RPS6KC1: variants seen among roughly 807,000 people sequenced by gnomAD.
RPS6KC1 encodes the protein ribosomal protein S6 kinase C1, also known as inactive ribosomal protein S6 kinase delta-1.
Under a neutral mutation model 103.8 loss-of-function variants are expected in RPS6KC1, and 54 were observed. The ratio of observed to expected loss-of-function variants is 0.52; its 90% CI spans 0.42 to 0.65. The LOEUF is 0.65. RPS6KC1 is among the 30% of genes least tolerant of loss of function. RPS6KC1 has a pLI of 0.00. For synonymous variants in RPS6KC1, 439 were observed against 438.7 expected, an observed-to-expected ratio of 1.00 and a Z score of -0.01; for missense variants, 1,151 against 1,253.8, an observed-to-expected ratio of 0.92 and a Z score of 1.24.
the RPS6KC1 span, among the ~76,000 whole-genome samples, chr1:213,495,334 T>G: frequency 2.0e-5 from 3 of 152,072 alleles, no homozygotes; most frequent in Non-Finnish European, 4.4e-5. Flanking sequence ...TTTTTTTTTC[T>G]TTTTTAAGAT....
the RPS6KC1 span, among the ~76,000 whole-genome samples, chr1:213,475,409 A>G: frequency 1.3e-5 from 2 of 152,142 alleles, no homozygotes; most frequent in Non-Finnish European, 2.9e-5. Flanking sequence ...TTTCTGTTGC[A>G]TTGAAACATC....
At chr1:213,296,599 C>T in the RPS6KC1 span, among the ~76,000 whole-genome samples, 1 of 152,126 alleles carries the variant, frequency 6.6e-6, no homozygotes, top group Admixed American at 6.5e-5. Context: ...GTTCTGAATG[C>T]TACAGCATGA....
chr1:213,176,209 C>G (rs1268639767), intron 7 of RPS6KC1, among the ~76,000 whole-genome samples, 191 bp from the exon 8 acceptor site: 2 of 151,882 alleles, frequency 1.3e-5, no homozygotes, highest in Non-Finnish European at 2.9e-5. Flanking sequence ...CTTGCTTTTT[C>G]TTTTTGATTT....
At chr1:213,569,360 G>A in the RPS6KC1 span, among the ~76,000 whole-genome samples, 1 of 152,118 alleles carries the variant, frequency 6.6e-6, no homozygotes, top group African/African-American at 2.4e-5. Context: ...CATTATTAGG[G>A]CATCCTTGCC....
At chr1:213,289,356 T>C in the RPS6KC1 span, among the ~76,000 whole-genome samples, 1 of 152,086 alleles carries the variant, frequency 6.6e-6, no homozygotes, top group African/African-American at 2.4e-5. Flanking sequence ...TAAAAGAGTT[T>C]TGTAAAGAAA....
At chr1:213,189,990 C>A (rs1276275985) in intron 8 of RPS6KC1, among the ~76,000 whole-genome samples, 1 of 152,150 alleles carries the variant, frequency 6.6e-6, no homozygotes, top group Non-Finnish European at 1.5e-5. Flanking sequence ...GAATCTCATT[C>A]TTTTTTATGC....
At chr1:213,132,641 T>C (rs1346194317) in intron 6 of RPS6KC1, among the ~76,000 whole-genome samples, 2 of 152,228 alleles carry the variant, frequency 1.3e-5, no homozygotes, top group Non-Finnish European at 1.5e-5. Flanking sequence ...GGGTAAAGTT[T>C]GTTCTGGGGT....
the RPS6KC1 span, among the ~76,000 whole-genome samples, chr1:213,434,771 T>C: frequency 2.1e-5 from 3 of 143,518 alleles, no homozygotes; most frequent in African/African-American, 7.5e-5. Context: ...TGTTTCTCTA[T>C]ATAACTGACT....
chr1:213,454,979 C>T, the RPS6KC1 span, among the ~76,000 whole-genome samples: 22 of 152,282 alleles, frequency 1.4e-4, no homozygotes, highest in African/African-American at 5.1e-4. Flanking sequence ...AGCAGTGCCT[C>T]GGAGTGCTTT....
the RPS6KC1 span, among the ~76,000 whole-genome samples, chr1:213,332,632 G>C: frequency 1.3e-5 from 2 of 152,158 alleles, no homozygotes; most frequent in Non-Finnish European, 2.9e-5. Context: ...ACACCATTTA[G>C]TCAGCTCCTC....
chr1:213,563,236 C>A, the RPS6KC1 span, among the ~76,000 whole-genome samples: 2 of 152,060 alleles, frequency 1.3e-5, no homozygotes, highest in East Asian at 3.9e-4. Flanking sequence ...TTTAATAATT[C>A]TTAAAATCTA....
the RPS6KC1 span, among the ~76,000 whole-genome samples, chr1:213,426,181 C>T: frequency 6.6e-6 from 1 of 152,166 alleles, no homozygotes; most frequent in East Asian, 1.9e-4. Context: ...GCCAGGTGAC[C>T]TCTCCAACTG....
the RPS6KC1 span, among the ~76,000 whole-genome samples, chr1:213,429,734 A>G: frequency 0.17 from 26,248 of 152,156 alleles, 2,852 homozygotes; most frequent in East Asian, 0.25. Context: ...ATTGCATTTT[A>G]TCTCTGTTTC....
chr1:213,248,053 G>T (rs2094482869), intron 12 of RPS6KC1, among the ~76,000 whole-genome samples: 1 of 152,048 alleles, frequency 6.6e-6, no homozygotes, highest in Non-Finnish European at 1.5e-5. Flanking sequence ...AAATAAGAAA[G>T]AAATATTTAG....
the RPS6KC1 span, among the ~76,000 whole-genome samples, chr1:213,351,690 T>C: frequency 6.6e-6 from 1 of 152,184 alleles, no homozygotes; most frequent in South Asian, 2.1e-4. Context: ...TCCTGGTACC[T>C]GGAAACTGTG....
At chr1:213,462,422 A>T in the RPS6KC1 span, among the ~76,000 whole-genome samples, 2 of 152,364 alleles carry the variant, frequency 1.3e-5, no homozygotes, top group Middle Eastern at 6.8e-3. Flanking sequence ...TACCCAAAGG[A>T]TTATAAATCA....
chr1:213,525,794 C>T, the RPS6KC1 span, among the ~76,000 whole-genome samples: 2 of 152,182 alleles, frequency 1.3e-5, no homozygotes, highest in South Asian at 4.1e-4. Flanking sequence ...GGACTGATGT[C>T]GCCCTTGGAC....
the RPS6KC1 span, among the ~76,000 whole-genome samples, chr1:213,547,497 A>T: frequency 6.6e-6 from 1 of 152,238 alleles, no homozygotes; most frequent in Non-Finnish European, 1.5e-5. Context: ...TCTCAATAAC[A>T]AAAAGAACCG....
chr1:213,794,090 G>A, the RPS6KC1 span, among the ~76,000 whole-genome samples: 1 of 152,162 alleles, frequency 6.6e-6, no homozygotes, highest in Admixed American at 6.5e-5. Flanking sequence ...CACAGAATCT[G>A]ATAGATGGAT....
Sources: allele counts gnomAD v4.1 joint callset (sites outside exome capture counted in the v4.1 genomes callset), GRCh38; gene constraint gnomAD v4.1.1; transcripts MANE v1.5; gene names NCBI Gene and HGNC (gene_info 2026-07-23, HGNC 2026-07-21).